Variants in RBFOX1 observed in about 807,000 individuals in gnomAD.
RBFOX1 encodes the protein RNA binding protein fox-1 homolog 1.
RBFOX1 carries 8 observed loss-of-function variants against 57.7 expected under a neutral mutation model. That is an observed-to-expected ratio of 0.14 (90% CI 0.08 to 0.25). RBFOX1 has a LOEUF of 0.25. Ranked by LOEUF, RBFOX1 falls within the 10% of genes least tolerant of loss-of-function variation. The pLI is 1.00. For missense variants in RBFOX1, 611 were observed against 548.5 expected, an observed-to-expected ratio of 1.11 and a Z score of -1.14; for synonymous variants, 326 against 222.4, an observed-to-expected ratio of 1.47 and a Z score of -4.15.
intron 3 of RBFOX1, among the ~76,000 whole-genome samples, chr16:5,605,437 C>T (rs1010288620): frequency 1.3e-5 from 2 of 152,186 alleles, no homozygotes; most frequent in African/African-American, 4.8e-5. Flanking sequence ...TATATCTGTA[C>T]TCAGTAGGGA....
intron 2 of RBFOX1, among the ~76,000 whole-genome samples, chr16:5,577,783 C>G (rs540972089): frequency 2.6e-5 from 4 of 152,128 alleles, no homozygotes; most frequent in Non-Finnish European, 5.9e-5. Context: ...TCACACCAGG[C>G]GGCATAATAG....
At chr16:7,269,088 A>C (rs1428507305) in intron 4 of RBFOX1, among the ~76,000 whole-genome samples, 1 of 149,472 alleles carries the variant, frequency 6.7e-6, no homozygotes, top group African/African-American at 2.5e-5. Context: ...CCTCTGGATC[A>C]CATTAACCCT....
intron 4 of RBFOX1, among the ~76,000 whole-genome samples, chr16:7,368,373 A>G (rs753753642): frequency 5.9e-5 from 9 of 152,092 alleles, no homozygotes; most frequent in Non-Finnish European, 1.2e-4. Flanking sequence ...CAAAAGTGCC[A>G]TATTTTGAAA....
At chr16:6,006,160 T>A (rs2094925834) in intron 4 of RBFOX1, among the ~76,000 whole-genome samples, 1 of 152,244 alleles carries the variant, frequency 6.6e-6, no homozygotes, top group African/African-American at 2.4e-5. Flanking sequence ...ATAACTTTGC[T>A]GGTAATAGCA....
At chr16:6,271,909 A>G (rs2075262169) in intron 1 of RBFOX1, among the ~76,000 whole-genome samples, 1 of 152,190 alleles carries the variant, frequency 6.6e-6, no homozygotes. Context: ...ATCCTCTTCC[A>G]GAAAACAGGA....
At chr16:5,424,844 T>G (rs1381071883) in intron 1 of RBFOX1, among the ~76,000 whole-genome samples, 1 of 151,278 alleles carries the variant, frequency 6.6e-6, no homozygotes, top group Admixed American at 6.6e-5. Flanking sequence ...TTTCTTTCTT[T>G]CTTTCTCTCT....
At chr16:7,072,556 C>A (rs977356323) in intron 4 of RBFOX1, among the ~76,000 whole-genome samples, 1 of 152,094 alleles carries the variant, frequency 6.6e-6, no homozygotes, top group South Asian at 2.1e-4. Flanking sequence ...GTTGTTAATA[C>A]AATGAAAGAA....
intron 1 of RBFOX1, among the ~76,000 whole-genome samples, chr16:6,312,699 TCC>T (rs2080512693): frequency 6.9e-6 from 1 of 144,578 alleles, no homozygotes; most frequent in South Asian, 2.2e-4. Context: ...CTTCCTTCCT[TCC>T]TTCCTTCCTT....
At chr16:7,410,532 T>G (rs1253614021) in intron 4 of RBFOX1, among the ~76,000 whole-genome samples, 1 of 151,964 alleles carries the variant, frequency 6.6e-6, no homozygotes, top group Non-Finnish European at 1.5e-5. Context: ...AAATACAAAA[T>G]TAGCTGGGAG....
At chr16:6,352,026 C>T (rs534437487) in intron 2 of RBFOX1, among the ~76,000 whole-genome samples, 3 of 152,208 alleles carry the variant, frequency 2.0e-5, no homozygotes, top group Middle Eastern at 3.4e-3. Context: ...TTTTTCAGTG[C>T]TTTTTTCTGT....
intron 3 of RBFOX1, among the ~76,000 whole-genome samples, chr16:6,930,932 TTC>T (rs1322190214): frequency 1.3e-5 from 2 of 151,782 alleles, no homozygotes; most frequent in African/African-American, 4.8e-5. Context: ...TGTATGTATA[TTC>T]ATATATATAT....
intron 3 of RBFOX1, among the ~76,000 whole-genome samples, chr16:6,896,248 T>C (rs2066884488): frequency 6.6e-6 from 1 of 152,154 alleles, no homozygotes; most frequent in Non-Finnish European, 1.5e-5. Flanking sequence ...ACTGTGCAGT[T>C]TGAGACTGTC....
intron 4 of RBFOX1, among the ~76,000 whole-genome samples, chr16:7,136,469 C>T (rs891654329): frequency 1.4e-5 from 2 of 141,742 alleles, no homozygotes; most frequent in Admixed American, 7.4e-5. Flanking sequence ...GGCAGTGGTG[C>T]AATGATGGTG....
At chr16:7,129,356 G>A (rs1600383381) in intron 4 of RBFOX1, among the ~76,000 whole-genome samples, 1 of 152,170 alleles carries the variant, frequency 6.6e-6, no homozygotes, top group Admixed American at 6.6e-5. Context: ...ACAGGAGTCA[G>A]CCCTACCTAA....
At chr16:5,961,181 T>G (rs1436382245) in intron 4 of RBFOX1, among the ~76,000 whole-genome samples, 1 of 152,232 alleles carries the variant, frequency 6.6e-6, no homozygotes, top group Non-Finnish European at 1.5e-5. Context: ...TTTTTTCATT[T>G]GGGGCATATT....
At chr16:6,001,568 T>G (rs569298900) in intron 4 of RBFOX1, among the ~76,000 whole-genome samples, 1 of 152,300 alleles carries the variant, frequency 6.6e-6, no homozygotes, top group African/African-American at 2.4e-5. Flanking sequence ...AGTGCGTAAT[T>G]AAATATATAC....
At chr16:7,490,939 T>C (rs2066775304) in intron 4 of RBFOX1, among the ~76,000 whole-genome samples, 1 of 152,174 alleles carries the variant, frequency 6.6e-6, no homozygotes, top group African/African-American at 2.4e-5. Flanking sequence ...CAATCTCTTA[T>C]CTTCTTTAGG....
chr16:7,587,417 A>C, intron 7 of RBFOX1, 117 bp downstream of exon 7: 1 of 1,136,124 alleles, frequency 8.8e-7, no homozygotes, highest in Non-Finnish European at 1.1e-6. Flanking sequence ...CTTCAGTGGG[A>C]ATTCCTTTAG....
chr16:7,342,306 G>A (rs902922373), intron 4 of RBFOX1, among the ~76,000 whole-genome samples: 2 of 152,122 alleles, frequency 1.3e-5, no homozygotes, highest in African/African-American at 4.8e-5. Flanking sequence ...GATGCCTAGG[G>A]CTGGGCTTCC....
Sources: gnomAD v4.1 joint callset for allele counts (sites outside exome capture counted in the v4.1 genomes callset) on GRCh38, gnomAD v4.1.1 for gene constraint, MANE v1.5 for transcripts, NCBI Gene and HGNC (gene_info 2026-07-23, HGNC 2026-07-21) for gene names.